Variants in MTMR8 observed in about 807,000 individuals in gnomAD.
MTMR8 encodes myotubularin related protein 8, also known as phosphatidylinositol-3,5-bisphosphate 3-phosphatase MTMR8.
Under a neutral mutation model 39.3 loss-of-function variants are expected in MTMR8, and 65 were observed. That is an observed-to-expected ratio of 1.65 (90% CI 1.35 to 2.03). The LOEUF (loss-of-function observed/expected upper bound fraction) is 2.03, where lower values mean the gene tolerates loss of function less well. Ranked by LOEUF, MTMR8 falls within the 30% of genes most tolerant of loss-of-function variation. The pLI, the probability that MTMR8 is intolerant of heterozygous loss-of-function variation, is 0.00. For synonymous variants in MTMR8, 245 were observed against 185.2 expected (o/e 1.32, Z -2.62); for missense variants, 777 against 538.9 (o/e 1.44, Z -4.37).
At chrX:64,335,862 T>C (rs1157059667) in intron 10 of MTMR8, among the ~76,000 whole-genome samples, 1 of 112,322 alleles carries the variant, frequency 8.9e-6, no homozygotes, top group African/African-American at 3.2e-5. Flanking sequence ...TTTGATATAA[T>C]TACTTGTACT....
At chrX:64,367,170 T>C (rs781430327) in intron 1 of MTMR8, among the ~76,000 whole-genome samples, 14 of 111,891 alleles carry the variant, frequency 1.3e-4, no homozygotes, top group African/African-American at 4.5e-4. Flanking sequence ...AGCCGAATTC[T>C]ACCAGAGGTA....
At chrX:64,275,891 C>A (rs972840093) in intron 12 of MTMR8, among the ~76,000 whole-genome samples, 7 of 111,029 alleles carry the variant, frequency 6.3e-5, no homozygotes, top group African/African-American at 2.3e-4. Flanking sequence ...TAGAAACACA[C>A]AACCTACCAA....
At position 64,372,595 on chromosome X, in the gene MTMR8, T is replaced by C. The variant is rs369067952; in HGVS notation, c.25-13068A>G. ...CATTCAGTATGTAACCTTTTGAGATTGGCCTTATTCACCCAGCATAATTCT... is the reference window on the plus strand; with the variant it reads ...CATTCAGTATGTAACCTTTTGAGATCGGCCTTATTCACCCAGCATAATTCT... On this transcript the variant is annotated intron_variant, in intron 1 of 13. Coordinates refer to ENST00000374852, the MANE Select transcript of MTMR8 (RefSeq NM_017677.4). Among the ~76,000 whole-genome samples the C allele has an allele frequency of 5.4e-5, 6 of 112,089 alleles. No homozygotes were observed. In the East Asian group the frequency reaches 1.1e-3, roughly 21 times the overall value.
At chrX:64,365,364 G>A (rs1357147235) in intron 1 of MTMR8, among the ~76,000 whole-genome samples, 2 of 110,295 alleles carry the variant, frequency 1.8e-5, no homozygotes, top group African/African-American at 6.6e-5. Context: ...CAGAGAGAAA[G>A]GTCATGTTAC....
intron 1 of MTMR8, among the ~76,000 whole-genome samples, chrX:64,363,174 C>G (rs775231313): frequency 3.6e-5 from 4 of 111,024 alleles, no homozygotes; most frequent in Non-Finnish European, 5.7e-5. Flanking sequence ...TCTGGCACTA[C>G]TTAATAAAAA....
chrX:64,359,470 G>T lies in MTMR8; in HGVS notation c.82C>A (p.Leu28Ile). The T allele has an allele frequency of 8.3e-7, 1 of 1,208,515 alleles. No homozygotes were observed. Among genetic ancestry groups the T allele is most frequent in the Non-Finnish European group, 1.1e-6 (1 of 893,498 alleles). Residue 28 changes from leucine to isoleucine, a missense_variant, in exon 2 of 14, where the codon CTT becomes ATT. Coordinates refer to ENST00000374852, the MANE Select transcript of MTMR8 (RefSeq NM_017677.4). ...ATCAGGTGGGTTGCAGTAAGATAAA[G>T]AATCCCATTAGCTGGTTTCTTACTC... ...YVSKKPANGILYLTATHLIYV... is the reference protein window; with the variant it reads ...YVSKKPANGIIYLTATHLIYV...
chrX:64,303,039 C>G lies in MTMR8; in HGVS notation c.1481+25733G>C, dbSNP rs570687567. 4.1e-4 allele frequency among the ~76,000 whole-genome samples: 46 copies of G among 112,695 alleles called. No homozygotes were observed. The South Asian group carries it at 6.9e-3, about 17-fold the overall frequency. ...CTGTCAAAGGATCACTTAAAGTTTG[C>G]TGTGCGTTAATGCCATCTCGTGATT... On this transcript the variant is annotated intron_variant, in intron 12 of 13. Transcript: ENST00000374852.
intron 8 of MTMR8, among the ~76,000 whole-genome samples, chrX:64,341,816 T>A (rs972115465): frequency 8.9e-6 from 1 of 112,189 alleles, no homozygotes; most frequent in African/African-American, 3.2e-5. Context: ...CTATCAGTGA[T>A]GTGTATGCAC....
At chrX:64,293,585 G>A (rs1304212901) in intron 12 of MTMR8, among the ~76,000 whole-genome samples, 2 of 111,285 alleles carry the variant, frequency 1.8e-5, no homozygotes, top group Admixed American at 9.6e-5. Flanking sequence ...CCAGTGGCAG[G>A]GACCCACACC....
intron 12 of MTMR8, among the ~76,000 whole-genome samples, chrX:64,312,184 A>G (rs1318967648): frequency 9.0e-6 from 1 of 111,468 alleles, no homozygotes; most frequent in East Asian, 2.8e-4. Context: ...TTCGTTGAGC[A>G]GTGGTTTTTA....
chrX:64,348,624 G>T (rs1174182852), intron 6 of MTMR8, 36 bp downstream of exon 6: 1 of 1,202,747 alleles, frequency 8.3e-7, no homozygotes, highest in Admixed American at 2.2e-5. Flanking sequence ...AATGCAAGAG[G>T]CAGAAATATC....
intron 12 of MTMR8, among the ~76,000 whole-genome samples, chrX:64,275,724 A>G (rs1391247757): frequency 9.1e-6 from 1 of 110,255 alleles, no homozygotes; most frequent in African/African-American, 3.3e-5. Context: ...AACTGATAAA[A>G]CTTTAGCTAG....
rs368615836 is a variant in MTMR8, at chrX:64,302,788, A to G, written c.1481+25984T>C. Among the ~76,000 whole-genome samples the G allele has an allele frequency of 1.2e-4, 13 of 112,413 alleles. No homozygotes were observed. The East Asian group carries it at 3.1e-3, about 27-fold the overall frequency. On this transcript the variant is annotated intron_variant, in intron 12 of 13. Transcript: ENST00000374852. The stretch of plus-strand genomic sequence containing the variant: ...AAAATATCTACTACCCATAGACAAG[A>G]AAAACTGTAGGGCAATAAAGACCCC...
At chrX:64,374,444 A>G (rs1257896591) in intron 1 of MTMR8, among the ~76,000 whole-genome samples, 1 of 112,076 alleles carries the variant, frequency 8.9e-6, no homozygotes, top group Non-Finnish European at 1.9e-5. Context: ...AGAATCTACT[A>G]TATGCCAGGC....
At chrX:64,336,177 GAATT>G (rs1194947751) in intron 9 of MTMR8, 49 bp from the exon 10 acceptor site, 4 of 926,920 alleles carry the variant, frequency 4.3e-6, no homozygotes, top group Non-Finnish European at 6.1e-6. Flanking sequence ...ATCATAAAAT[GAATT>G]AACCATACAC....
At chrX:64,353,144 G>A (rs947639119) in intron 4 of MTMR8, among the ~76,000 whole-genome samples, 2 of 111,964 alleles carry the variant, frequency 1.8e-5, no homozygotes, top group African/African-American at 6.5e-5. Context: ...AAAACTGGAT[G>A]TCCATATGCA....
chrX:64,283,503 T>A (rs1302562135), intron 12 of MTMR8, among the ~76,000 whole-genome samples: 5 of 111,854 alleles, frequency 4.5e-5, no homozygotes, highest in South Asian at 7.5e-4. Flanking sequence ...GAGTTTGAGA[T>A]CTGAGAATGG....
At chrX:64,269,711 TG>T (rs1931715557) in intron 13 of MTMR8, among the ~76,000 whole-genome samples, 1 of 110,461 alleles carries the variant, frequency 9.1e-6, no homozygotes, top group Non-Finnish European at 1.9e-5. Flanking sequence ...CTGAAGGTGG[TG>T]GGGGGAGTCT....
intron 12 of MTMR8, among the ~76,000 whole-genome samples, chrX:64,328,287 T>C (rs1922851801): frequency 8.9e-6 from 1 of 111,977 alleles, no homozygotes; most frequent in African/African-American, 3.2e-5. Context: ...TGACATGATC[T>C]AATATTTACA....
Sources: allele counts gnomAD v4.1 joint callset (sites outside exome capture counted in the v4.1 genomes callset), GRCh38; gene constraint gnomAD v4.1.1; transcripts MANE v1.5; gene names NCBI Gene and HGNC (gene_info 2026-07-23, HGNC 2026-07-21).